DNAH7: variants seen among roughly 807,000 people sequenced by gnomAD.
The protein encoded by DNAH7 is axonemal beta dynein heavy chain 7.
DNAH7 carries 397 observed loss-of-function variants against 444.6 expected under a neutral mutation model. The observed-to-expected ratio is 0.89, with a 90% CI of 0.82 to 0.97. DNAH7 has a LOEUF of 0.97. Among genes scored for constraint, DNAH7 ranks in the 50% least tolerant of loss-of-function variants. The pLI is 0.00. For synonymous variants in DNAH7, 1,636 were observed against 1,624.4 expected, an observed-to-expected ratio of 1.01 and a Z score of -0.17; for missense variants, 4,902 against 4,800.8, an observed-to-expected ratio of 1.02 and a Z score of -0.62.
At chr2:195,931,610 G>A (rs1258635862) in intron 21 of DNAH7, among the ~76,000 whole-genome samples, 5 of 151,816 alleles carry the variant, frequency 3.3e-5, no homozygotes, top group Non-Finnish European at 2.9e-5. Context: ...TAAGGTGTAA[G>A]GAAGGGATCC....
chr2:195,805,945 C>CT (rs1303558114), intron 54 of DNAH7, among the ~76,000 whole-genome samples: 1 of 152,000 alleles, frequency 6.6e-6, no homozygotes, highest in African/African-American at 2.4e-5. Flanking sequence ...CTAAATTCTG[C>CT]TTTATTTTTT....
intron 54 of DNAH7, among the ~76,000 whole-genome samples, chr2:195,805,786 C>G (rs765663753): frequency 1.4e-4 from 22 of 152,094 alleles, no homozygotes; most frequent in Non-Finnish European, 3.1e-4. Context: ...CTAATGGATA[C>G]TTGGGCCTTG....
intron 2 of DNAH7, among the ~76,000 whole-genome samples, chr2:196,055,976 T>C (rs911488699): frequency 3.9e-5 from 6 of 152,220 alleles, no homozygotes; most frequent in African/African-American, 1.4e-4. Flanking sequence ...CAGTGCGGAA[T>C]ATGTATCTTA....
At chr2:195,928,109 G>GT (rs1046881901) in intron 21 of DNAH7, among the ~76,000 whole-genome samples, 10 of 152,010 alleles carry the variant, frequency 6.6e-5, no homozygotes, top group African/African-American at 2.4e-4. Context: ...AGTGTCTATT[G>GT]TTGCCATGTT....
intron 35 of DNAH7, among the ~76,000 whole-genome samples, chr2:195,882,662 A>G (rs150474451): frequency 1.8e-3 from 267 of 152,330 alleles, no homozygotes; most frequent in Admixed American, 3.8e-3. Flanking sequence ...TTAATTTGCT[A>G]TGACAGTGTT....
intron 22 of DNAH7, among the ~76,000 whole-genome samples, chr2:195,925,902 T>C (rs1688300920): frequency 6.8e-6 from 1 of 146,646 alleles, no homozygotes; most frequent in Non-Finnish European, 1.5e-5. Context: ...CTAATTAATA[T>C]TAAATTAATA....
rs1691029779 is a variant in DNAH7 at position 195,960,656 on chromosome 2, T to C, written c.2495A>G (p.Glu832Gly). ...AMTKKVRSKV[E>G]DFKQHIPLIQ... ...GAGAGGAATGTGCTGCTTGAAATCT[T>C]CCACCTTTGATCTTACTTTTTTTGT... The change falls in exon 18 of 65, where the codon GAA becomes GGA. Residue 832 changes from glutamate (E) to glycine (G), a missense_variant. Physicochemically the swap from Glu to Gly is moderately conservative, Grantham distance 98. Transcript: ENST00000312428. 1.9e-6 allele frequency: 3 copies of C among 1,614,116 alleles called. No homozygotes were observed. In the Admixed American group the frequency reaches 5.0e-5, roughly 27 times the overall value.
At chr2:196,027,172 T>A (rs558684052) in intron 6 of DNAH7, among the ~76,000 whole-genome samples, 50 of 152,184 alleles carry the variant, frequency 3.3e-4, no homozygotes, top group African/African-American at 1.1e-3. Flanking sequence ...CTGTAAAACA[T>A]CAAGTTATAT....
At chr2:195,753,496 A>G (rs1693909599) in intron 63 of DNAH7, among the ~76,000 whole-genome samples, 1 of 152,176 alleles carries the variant, frequency 6.6e-6, no homozygotes, top group South Asian at 2.1e-4. Flanking sequence ...AAGATCCTAA[A>G]TTGTTCCCTG....
At chr2:196,020,612 G>GC (rs1426843637) in intron 8 of DNAH7, among the ~76,000 whole-genome samples, 1 of 133,672 alleles carries the variant, frequency 7.5e-6, no homozygotes, top group African/African-American at 2.7e-5. Context: ...TGGGGCTTTT[G>GC]TTTTTTTTTT....
chr2:196,020,674 G>A (rs142640825), intron 8 of DNAH7, among the ~76,000 whole-genome samples: 1 of 149,242 alleles, frequency 6.7e-6, no homozygotes, highest in African/African-American at 2.5e-5. Flanking sequence ...GCAGTGGCAC[G>A]ATCTCAGCTC....
At chr2:195,743,593 G>A (rs946921428) in intron 63 of DNAH7, among the ~76,000 whole-genome samples, 1 of 152,136 alleles carries the variant, frequency 6.6e-6, no homozygotes, top group South Asian at 2.1e-4. Flanking sequence ...AAGAAACTTG[G>A]CTTCTATCCC....
chr2:195,909,649 TA>T (rs1257158914), intron 25 of DNAH7, among the ~76,000 whole-genome samples: 1 of 152,198 alleles, frequency 6.6e-6, no homozygotes, highest in Non-Finnish European at 1.5e-5. Flanking sequence ...AATATGTCTA[TA>T]AAAGTAAATT....
chr2:195,940,324 A>G (rs1374937866), intron 19 of DNAH7, among the ~76,000 whole-genome samples: 1 of 152,234 alleles, frequency 6.6e-6, no homozygotes, highest in Non-Finnish European at 1.5e-5. Context: ...AGCCACATGC[A>G]GAAAACAGAA....
intron 24 of DNAH7, among the ~76,000 whole-genome samples, chr2:195,910,860 G>A (rs995204831): frequency 2.0e-5 from 3 of 152,112 alleles, no homozygotes; most frequent in Non-Finnish European, 2.9e-5. Flanking sequence ...TCCTTCATGC[G>A]GGGCCTGATG....
At chr2:195,785,387 G>T (rs1695570660) in intron 58 of DNAH7, among the ~76,000 whole-genome samples, 1 of 151,932 alleles carries the variant, frequency 6.6e-6, no homozygotes. Flanking sequence ...ACAGGGTCTT[G>T]TTTAGCTAGG....
At chr2:195,874,770 TATG>T (rs1700945349) in intron 38 of DNAH7, among the ~76,000 whole-genome samples, 1 of 151,982 alleles carries the variant, frequency 6.6e-6, no homozygotes, top group Non-Finnish European at 1.5e-5. Flanking sequence ...TGCCGTGAGC[TATG>T]ATCACACCAC....
intron 14 of DNAH7, among the ~76,000 whole-genome samples, 172 bp downstream of exon 14, chr2:195,986,894 T>G (rs1434213119): frequency 6.6e-6 from 1 of 152,120 alleles, no homozygotes; most frequent in Non-Finnish European, 1.5e-5. Context: ...TAATAAATAC[T>G]AATAATCACA....
intron 38 of DNAH7, among the ~76,000 whole-genome samples, chr2:195,874,137 A>G (rs1426584056): frequency 6.6e-6 from 1 of 152,204 alleles, no homozygotes; most frequent in Non-Finnish European, 1.5e-5. Context: ...CAGCACAACC[A>G]TGACATATAG....
Sources: allele counts gnomAD v4.1 joint callset (sites outside exome capture counted in the v4.1 genomes callset), GRCh38; gene constraint gnomAD v4.1.1; transcripts MANE v1.5; gene names NCBI Gene and HGNC (gene_info 2026-07-23, HGNC 2026-07-21).